SCUBE3: variants seen among roughly 807,000 people sequenced by gnomAD.
The protein encoded by SCUBE3 is signal peptide, CUB domain and EGF like domain containing 3, also known as signal peptide, CUB and EGF-like domain-containing protein 3.
Under a neutral mutation model 116.8 loss-of-function variants are expected in SCUBE3, and 33 were observed. That is an observed-to-expected ratio of 0.28 (90% CI 0.21 to 0.38). SCUBE3 has a LOEUF of 0.38. Ranked by LOEUF, SCUBE3 falls within the 10% of genes least tolerant of loss-of-function variation. The pLI, the probability that SCUBE3 is intolerant of heterozygous loss-of-function variation, is 1.00. For synonymous variants in SCUBE3, 418 were observed against 496.9 expected (o/e 0.84, Z 2.11); for missense variants, 1,007 against 1,324.8 (o/e 0.76, Z 3.72).
intron 6 of SCUBE3, among the ~76,000 whole-genome samples, chr6:35,234,931 C>T (rs1783698516): frequency 6.6e-6 from 1 of 152,224 alleles, no homozygotes; most frequent in Non-Finnish European, 1.5e-5. Context: ...CTGGGGTTTA[C>T]AGCTATATTC....
In SCUBE3 at chr6:35,249,928, CTGGGTTTGTTTTT is replaced by C. The variant is rs1176228106; in HGVS notation, c.*1226_*1238del. ...GTCTAGACGGAGGGGTTTTTGTTTTCTGGGTTTGTTTTTTGTTTTTGTTTCTTCTTCCTCTATT... is the reference window on the plus strand; with the variant it reads ...GTCTAGACGGAGGGGTTTTTGTTTTCTGTTTTTGTTTCTTCTTCCTCTATT... On this transcript the variant is annotated 3_prime_UTR_variant, in exon 22 of 22. Transcript: ENST00000274938. 6.6e-6 allele frequency: 1 copy of C among 152,646 alleles called. No individual in the cohort carries two copies. The highest frequency in any genetic ancestry group is 1.5e-5 in the Non-Finnish European group (1 of 68,084). 9.5% of individuals were successfully genotyped at this position (152,646 alleles called of 1,614,324 possible). A position where few individuals can be genotyped will look rare whatever the true frequency, so the allele number is the denominator to read the frequency against.
At position 35,227,682 on chromosome 6, in the gene SCUBE3, G is replaced by A; in HGVS notation, c.188G>A (p.Gly63Glu). The change falls in exon 2 of 22, where the codon GGG (glycine) becomes GAG (glutamate). Residue 63 changes from glycine to glutamate, a missense_variant. Physicochemically the swap from Gly to Glu is moderately conservative, Grantham distance 98. Around this residue, in one of 5 missense-constraint regions of SCUBE3, gnomAD observed 94 missense variants for 92.0 expected, o/e 1.02. Coordinates refer to ENST00000274938, the MANE Select transcript of SCUBE3 (RefSeq NM_152753.4). ...TGCATCTGCAAGTCTGGCTACACAG[G>A]GGACGGCAAACACTGCAAAGGTGAG... ...YKCICKSGYT[G>E]DGKHCKDVDE... 1 of 1,614,140 alleles carries A rather than the reference G, an allele frequency of 6.2e-7. No homozygotes were observed. Among genetic ancestry groups the A allele is most frequent in the Non-Finnish European group, 8.5e-7 (1 of 1,180,012 alleles).
In SCUBE3 at chr6:35,241,297, A is replaced by T; in HGVS notation, c.1195+31A>T. The T allele has an allele frequency of 7.6e-6, 12 of 1,572,192 alleles. No individual in the cohort carries two copies. Among genetic ancestry groups the T allele is most frequent in the African/African-American group, 1.3e-5 (1 of 74,086 alleles). On this transcript the variant is annotated intron_variant, in intron 10 of 21. Coordinates refer to ENST00000274938, the MANE Select transcript of SCUBE3 (RefSeq NM_152753.4). The surrounding 1 kb of genome is among the most constrained non-coding windows in gnomAD (Gnocchi z 4.1). Reference sequence around the variant, plus strand: ...CAGTGCCCTCTGCTGGCCAAAGATGACACTGCCATTTCAGGGAGCAGTTGG... The same window carrying T: ...CAGTGCCCTCTGCTGGCCAAAGATGTCACTGCCATTTCAGGGAGCAGTTGG...
At position 35,248,615 on chromosome 6, in the gene SCUBE3, G is replaced by A. The variant is rs756954459; in HGVS notation, c.2892G>A (p.Lys964=). 12 of 1,613,876 alleles carry A rather than the reference G, an allele frequency of 7.4e-6. No individual in the cohort carries two copies. The Middle Eastern group carries it at 4.9e-4, about 66-fold the overall frequency. Residue 964 remains lysine (K), a synonymous_variant, in exon 22 of 22, where the codon AAG becomes AAA. Coordinates refer to ENST00000274938, the MANE Select transcript of SCUBE3 (RefSeq NM_152753.4). ...TAGCCCACCCCCAGAACTACTTCAA[G>A]TACACAGAGAAACACAAGGAGATGC... ...EVLAHPQNYF[K]YTEKHKEMLP...
rs1337539685 is a variant in SCUBE3 at position 35,241,366 on chromosome 6, G to A, written c.1195+100G>A. ...GTATCACATTGGGGAAAGGTGTGAGGTGGAAAGGGTGGAGAATGTAGCCAT... is the reference window on the plus strand; with the variant it reads ...GTATCACATTGGGGAAAGGTGTGAGATGGAAAGGGTGGAGAATGTAGCCAT... On this transcript the variant is annotated intron_variant, in intron 10 of 21. Transcript: ENST00000274938. The surrounding 1 kb of genome is among the most constrained non-coding windows in gnomAD (Gnocchi z 4.1). The A allele has an allele frequency of 1.3e-5, 17 of 1,351,248 alleles. No homozygotes were observed. The highest frequency in any genetic ancestry group is 1.6e-5 in the Non-Finnish European group (15 of 966,794). The allele number at this position is 1,351,248 out of a possible 1,614,324, so 83.7% of individuals were successfully genotyped here.
At position 35,235,369 on chromosome 6, in the gene SCUBE3, TG is replaced by T; in HGVS notation, c.712+2072del. The T allele has an allele frequency of 3.3e-6, 2 of 609,306 alleles. No individual in the cohort carries two copies. Among genetic ancestry groups the T allele is most frequent in the Non-Finnish European group, 5.4e-6 (2 of 372,162 alleles). 37.7% of individuals were successfully genotyped at this position (609,306 alleles called of 1,614,324 possible). On this transcript the variant is annotated intron_variant, in intron 6 of 21. Transcript: ENST00000274938. This position sits in a 1 kb window ranked among gnomAD's most constrained non-coding sequence, Gnocchi z 4.5. ...TGGGCTGGCAGTGGGGAGGAGAGGGTGGGGAGGGGTCCGGGGCCAGAGGGCC... is the reference window on the plus strand; with the variant it reads ...TGGGCTGGCAGTGGGGAGGAGAGGGTGGGAGGGGTCCGGGGCCAGAGGGCC...
intron 1 of SCUBE3, among the ~76,000 whole-genome samples, chr6:35,227,149 T>G (rs893063285): frequency 2.0e-5 from 3 of 152,194 alleles, no homozygotes; most frequent in African/African-American, 7.2e-5. Context: ...CCTCCTTTAC[T>G]AGTGATTGCT....
rs73745133 is a variant in SCUBE3 at position 35,244,819 on chromosome 6, G to A, written c.2401+8G>A. The A allele has an allele frequency of 1.3e-3, 2,080 of 1,613,854 alleles. 17 individuals are homozygous for A. In the African/African-American group the frequency reaches 0.017, roughly 13 times the overall value. On this transcript the variant is annotated splice_region_variant and intron_variant, in intron 18 of 21. Transcript: ENST00000274938. The surrounding 1 kb of genome is among the most constrained non-coding windows in gnomAD (Gnocchi z 4.3). ...GTGTGGCCCAATGCAAGAGTACGTGGCAAGCCAGGCTGTGCAAAAGGGAGG... is the reference window on the plus strand; with the variant it reads ...GTGTGGCCCAATGCAAGAGTACGTGACAAGCCAGGCTGTGCAAAAGGGAGG...
intron 1 of SCUBE3, among the ~76,000 whole-genome samples, chr6:35,215,319 C>T (rs565735899): frequency 6.6e-6 from 1 of 152,264 alleles, no homozygotes; most frequent in South Asian, 2.1e-4. Flanking sequence ...GTCCCTGACC[C>T]CCAGCTCATC....
chr6:35,246,982 A>G (rs1784367080), intron 21 of SCUBE3, among the ~76,000 whole-genome samples: 1 of 152,054 alleles, frequency 6.6e-6, no homozygotes, highest in Non-Finnish European at 1.5e-5. Flanking sequence ...CTGTCTCAAA[A>G]AAACAAAAAC....
chr6:35,243,676 A>G lies in SCUBE3; in HGVS notation c.1992A>G (p.Glu664=), dbSNP rs765201233. 6.8e-6 allele frequency: 11 copies of G among 1,613,856 alleles called. No homozygotes were observed. The African/African-American group carries it at 1.2e-4, about 18-fold the overall frequency. Residue 664 remains glutamate, a synonymous_variant, in exon 16 of 22, where the codon GAA becomes GAG. Coordinates refer to ENST00000274938, the MANE Select transcript of SCUBE3 (RefSeq NM_152753.4). The surrounding 1 kb of genome is among the most constrained non-coding windows in gnomAD (Gnocchi z 6.6). ...PCPAGTFQER[E]GQLSCDLCPG... ...CAGCGGGCACCTTCCAGGAGAGAGA[A>G]GGGCAGCTCTCCTGCGACCTTTGCC... is the stretch of plus-strand genomic sequence containing the variant.
chr6:35,219,842 A>AT lies in SCUBE3; in HGVS notation c.85+5340dup, dbSNP rs1783058099. On this transcript the variant is annotated intron_variant, in intron 1 of 21. Transcript: ENST00000274938. The surrounding 1 kb of genome is among the most constrained non-coding windows in gnomAD (Gnocchi z 4.7). ...GAAGCTGTTAACAGCAGGAACCTGT[A>AT]TCCCTGGTGTTTGTTTTTGTTTCTA... 6.6e-6 allele frequency among the ~76,000 whole-genome samples: 1 copy of AT among 152,258 alleles called. No homozygotes were observed. The highest frequency in any genetic ancestry group is 1.9e-4 in the East Asian group (1 of 5,188).
chr6:35,233,108 G>A lies in SCUBE3; in HGVS notation c.596-77G>A. On this transcript the variant is annotated intron_variant, in intron 5 of 21. Transcript: ENST00000274938. The surrounding 1 kb of genome is among the most constrained non-coding windows in gnomAD (Gnocchi z 5.7). ...TATGGGGGAGGCAACTAGGCAAGGG[G>A]GCCAGTACCCACATTGTGGAAAACT... The A allele has an allele frequency of 1.4e-5, 20 of 1,475,010 alleles. No individual in the cohort carries two copies. Among genetic ancestry groups the A allele is most frequent in the Non-Finnish European group, 1.9e-5 (20 of 1,060,322 alleles). 91.4% of individuals were successfully genotyped at this position (1,475,010 alleles called of 1,614,324 possible). A position where few individuals can be genotyped will look rare whatever the true frequency, so the allele number is the denominator to read the frequency against.
At chr6:35,234,988 G>A (rs1334018187) in intron 6 of SCUBE3, among the ~76,000 whole-genome samples, 2 of 152,146 alleles carry the variant, frequency 1.3e-5, no homozygotes, top group African/African-American at 4.8e-5. Flanking sequence ...ATTTTACCTT[G>A]CCATATATCT....
Position 35,231,845 on chromosome 6 carries a change from T to G in SCUBE3, c.455T>G (p.Ile152Ser). The part of the protein sequence containing the change: ...FFLSDNQHTC[I>S]QRPEEGMNCM... Reference sequence around the variant, plus strand: ...CTCAGCGACAACCAGCATACCTGTATCCAGCGGCCAGAAGGTCAGCCCATG... The same window carrying G: ...CTCAGCGACAACCAGCATACCTGTAGCCAGCGGCCAGAAGGTCAGCCCATG... The change falls in exon 4 of 22, where the codon ATC becomes AGC. Residue 152 changes from isoleucine to serine, a missense_variant. Ile to Ser is a moderately radical substitution (Grantham distance 142). Coordinates refer to ENST00000274938, the MANE Select transcript of SCUBE3 (RefSeq NM_152753.4). The surrounding 1 kb of genome is among the most constrained non-coding windows in gnomAD (Gnocchi z 4.2). The G allele has an allele frequency of 1.9e-6, 3 of 1,611,642 alleles. No individual in the cohort carries two copies. The highest frequency in any genetic ancestry group is 2.5e-6 in the Non-Finnish European group (3 of 1,178,168).
chr6:35,233,335 G>C lies in SCUBE3; in HGVS notation c.712+34G>C, dbSNP rs1783627579. 1 of 1,267,430 alleles carries C rather than the reference G, an allele frequency of 7.9e-7. No homozygotes were observed. Among genetic ancestry groups the C allele is most frequent in the Non-Finnish European group, 1.2e-6 (1 of 865,596 alleles). The allele number at this position is 1,267,430 out of a possible 1,614,324, so 78.5% of individuals were successfully genotyped here. On this transcript the variant is annotated intron_variant, in intron 6 of 21. Transcript: ENST00000274938. This position sits in a 1 kb window ranked among gnomAD's most constrained non-coding sequence, Gnocchi z 5.7. ...GGCCAGGGGAGAACTCAGTCCACCTGAGATGGGGTGGGGGTGGGACCCTTT... is the reference window on the plus strand; with the variant it reads ...GGCCAGGGGAGAACTCAGTCCACCTCAGATGGGGTGGGGGTGGGACCCTTT...
At chr6:35,220,604 G>A (rs1210952640) in intron 1 of SCUBE3, 1 of 152,146 alleles carries the variant, frequency 6.6e-6, no homozygotes, top group Non-Finnish European at 1.5e-5. Context: ...AATGATCAGG[G>A]AGCTAGATTA....
chr6:35,242,101 C>G (rs1581944851), intron 12 of SCUBE3, 103 bp from the exon 13 acceptor site: 2 of 923,936 alleles, frequency 2.2e-6, no homozygotes, highest in East Asian at 2.4e-5. Flanking sequence ...CTCACTCCCC[C>G]AGCCAAGCCC....
chr6:35,234,978 AT>A (rs1297555606), intron 6 of SCUBE3, among the ~76,000 whole-genome samples: 1 of 152,160 alleles, frequency 6.6e-6, no homozygotes, highest in Non-Finnish European at 1.5e-5. Context: ...AATAGAACTT[AT>A]TTTACCTTGC....
Sources: gnomAD v4.1 joint callset for allele counts (sites outside exome capture counted in the v4.1 genomes callset) on GRCh38, gnomAD v4.1.1 for gene constraint, gnomAD v4.1.1 regional missense constraint, Gnocchi (gnomAD v3.1) non-coding constraint, MANE v1.5 for transcripts, NCBI Gene and HGNC (gene_info 2026-07-23, HGNC 2026-07-21) for gene names.